IL9R: variants seen among roughly 807,000 people sequenced by gnomAD.
The protein encoded by IL9R is interleukin 9 receptor, also known as interleukin-9 receptor.
In IL9R, 54 loss-of-function variants were observed where a neutral mutation model predicts 56.3. That is an observed-to-expected ratio of 0.96 (90% CI 0.77 to 1.20). The LOEUF (loss-of-function observed/expected upper bound fraction) is 1.20. Ranked by LOEUF, IL9R falls within the 50% of genes most tolerant of loss-of-function variation. The probability of loss-of-function intolerance (pLI) is 0.00; values close to 1 mark genes in which losing one functional copy is unlikely to be tolerated. For synonymous variants in IL9R, 212 were observed against 250.2 expected, an observed-to-expected ratio of 0.85 and a Z score of 1.44; for missense variants, 545 against 629.8, an observed-to-expected ratio of 0.87 and a Z score of 1.44.
intron 8 of IL9R, among the ~76,000 whole-genome samples, chrX:156,009,265 T>TA (rs2068294588): frequency 9.7e-5 from 4 of 41,310 alleles, no homozygotes; most frequent in Non-Finnish European, 1.7e-4. Context: ...TGTGTGTGTG[T>TA]TTGTGTGTGT....
chrX:155,998,869 G>A (rs1268892280), intron 1 of IL9R, among the ~76,000 whole-genome samples: 1 of 152,090 alleles, frequency 6.6e-6, no homozygotes, highest in African/African-American at 2.4e-5. Context: ...TGTGGGAGGG[G>A]TGTTTTGGGC....
chrX:156,003,923 G>A (rs2067723453), intron 4 of IL9R, 68 bp downstream of exon 4: 3 of 1,535,164 alleles, frequency 2.0e-6, no homozygotes, highest in African/African-American at 1.4e-5. Flanking sequence ...TGGGGGTTTG[G>A]AGCAGGGCCT....
chrX:156,009,001 TTGTGTGTGTGTGTCTCTG>T (rs1356342012), intron 8 of IL9R, among the ~76,000 whole-genome samples: 2 of 133,682 alleles, frequency 1.5e-5, no homozygotes, highest in African/African-American at 5.8e-5. Flanking sequence ...CTGTGTGTGT[TTGTGTGTGTGTGTCTCTG>T]TGTGTGTGTC....
intron 8 of IL9R, among the ~76,000 whole-genome samples, chrX:156,009,306 GTGTC>G (rs2068309253): frequency 2.7e-5 from 4 of 147,014 alleles, no homozygotes; most frequent in African/African-American, 7.7e-5. Flanking sequence ...TTATGTGTGT[GTGTC>G]TGTGTGTGTT....
rs200285486 is a variant in IL9R, at chrX:156,002,935, C to T, written c.58C>T (p.Arg20Ter). 4.6e-4 allele frequency: 741 copies of T among 1,613,790 alleles called. 4 individuals are homozygous for T. In the South Asian group the frequency reaches 4.9e-3, roughly 11 times the overall value. ...GACCTTGGAGAGTGAGGCCCTGAGG[C>T]GAGACATGGGCACCTGGCTCCTGGC... ...GWTLESEALRRDMGTWLLACI... is the reference protein window; with the variant it reads ...GWTLESEALR The change falls in exon 2 of 9, where the codon CGA becomes TGA. Residue 20 changes from arginine to a stop codon, truncating the protein, a stop_gained. Transcript: ENST00000244174. LOFTEE classifies it high-confidence loss of function.
chrX:156,005,604 G>T, intron 6 of IL9R, 125 bp downstream of exon 6: 2 of 772,674 alleles, frequency 2.6e-6, no homozygotes, highest in Non-Finnish European at 4.4e-6. Context: ...CCATGCCTCA[G>T]TTGACCCCCT....
In IL9R at chrX:156,001,610, C is replaced by T. The variant is rs1158344186; in HGVS notation, c.29-1296C>T. 9.0e-6 allele frequency: 5 copies of T among 556,630 alleles called. No homozygotes were observed. The Admixed American group carries it at 1.7e-4, about 19-fold the overall frequency. The allele number at this position is 556,630 out of a possible 1,614,324, so 34.5% of individuals were successfully genotyped here. On this transcript the variant is annotated intron_variant, in intron 1 of 8. Transcript: ENST00000244174. ...AGTGGGGTTAGAGTAGTGCCTGCTGCCCATTGGTTTGTGCGGTCCTTTAAG... is the reference window on the plus strand; with the variant it reads ...AGTGGGGTTAGAGTAGTGCCTGCTGTCCATTGGTTTGTGCGGTCCTTTAAG...
intron 7 of IL9R, 35 bp from the exon 8 acceptor site, chrX:156,007,488 G>T (rs749958041): frequency 4.3e-6 from 4 of 929,572 alleles, no homozygotes; most frequent in East Asian, 2.5e-5. Context: ...CACCTGGGTC[G>T]CCATAGGCCT....
intron 5 of IL9R, 97 bp downstream of exon 5, chrX:156,004,662 T>A (rs2067788868): frequency 7.9e-7 from 1 of 1,258,968 alleles, no homozygotes; most frequent in Non-Finnish European, 1.1e-6. Context: ...CAACTTGTAG[T>A]GATGAGAAGG....
chrX:156,003,042 T>C lies in IL9R; in HGVS notation c.142+23T>C, dbSNP rs759715181. On this transcript the variant is annotated intron_variant, in intron 2 of 8. Transcript: ENST00000244174. ...AAGGTGAGGGCTGGGCACTAATGTC[T>C]GTATGAGGTGGGTGGAGAACTAGGG... is the stretch of plus-strand genomic sequence containing the variant. The C allele has an allele frequency of 2.0e-5, 32 of 1,613,544 alleles. No individual in the cohort carries two copies. In the Admixed American group the frequency reaches 2.2e-4, roughly 11 times the overall value.
intron 5 of IL9R, 127 bp downstream of exon 5, chrX:156,004,692 T>G: frequency 1.1e-6 from 1 of 922,122 alleles, no homozygotes; most frequent in Non-Finnish European, 1.7e-6. Context: ...GAGCGGGGTG[T>G]GTGTGCACAC....
rs1348332298 is a variant in IL9R, at chrX:156,003,079, G to C, written c.142+60G>C. 3.1e-6 allele frequency: 5 copies of C among 1,605,190 alleles called. No homozygotes were observed. The Admixed American group carries it at 8.3e-5, about 27-fold the overall frequency. ...GTGGAGAACTAGGGCATGTTTGGGG[G>C]ACTGGGTTGTCCGATGTCAAGCCTC... On this transcript the variant is annotated intron_variant, in intron 2 of 8. Transcript: ENST00000244174.
rs566708471 is a variant in IL9R at position 156,000,134 on chromosome X, T to TAAAA, written c.28+2356_28+2359dup. On this transcript the variant is annotated intron_variant, in intron 1 of 8. Coordinates refer to ENST00000244174, the MANE Select transcript of IL9R (RefSeq NM_002186.3). ...CTGAGCGACAGAGCGAGACTCCGTC[T>TAAAA]AAAAAAAAAAAATATATATATATAT... Among the ~76,000 whole-genome samples, 39 of 141,314 alleles carry TAAAA rather than the reference T, an allele frequency of 2.8e-4. 1 individual carries two copies. The South Asian group carries it at 3.6e-3, about 13-fold the overall frequency. The allele number at this position is 141,314 out of a possible 152,430, so 92.7% of individuals were successfully genotyped here. A position where few individuals can be genotyped will look rare whatever the true frequency, so the allele number is the denominator to read the frequency against.
At position 156,004,487 on chromosome X, in the gene IL9R, C is replaced by T; in HGVS notation, c.501C>T (p.Ser167=). Residue 167 remains serine (S), a synonymous_variant, in exon 5 of 9, where the codon AGC becomes AGT. Coordinates refer to ENST00000244174, the MANE Select transcript of IL9R (RefSeq NM_002186.3). ...ISSGHCILTW[S]ISPALEPMTT... ...CTGGCCACTGCATCCTGACCTGGAGCATCAGTCCTGCCTTGGAGCCAATGA... is the reference window on the plus strand; with the variant it reads ...CTGGCCACTGCATCCTGACCTGGAGTATCAGTCCTGCCTTGGAGCCAATGA... 1.2e-6 allele frequency: 2 copies of T among 1,613,776 alleles called. No individual in the cohort carries two copies. The highest frequency in any genetic ancestry group is 1.7e-6 in the Non-Finnish European group (2 of 1,179,826).
chrX:156,002,991 G>C lies in IL9R; in HGVS notation c.114G>C (p.Leu38Phe). 12 of 1,613,876 alleles carry C rather than the reference G, an allele frequency of 7.4e-6. No homozygotes were observed. Among genetic ancestry groups the C allele is most frequent in the Non-Finnish European group, 1.0e-5 (12 of 1,179,852 alleles). The change falls in exon 2 of 9, where the codon TTG becomes TTC. Residue 38 changes from leucine to phenylalanine, a missense_variant. By Grantham distance (22) the Leu-to-Phe change is conservative. Around this residue, in one of 2 missense-constraint regions of IL9R, gnomAD observed 431 missense variants for 360.0 expected, o/e 1.20. Transcript: ENST00000244174. ...TCTGCATCTGCACCTGTGTCTGCTTGGGAGTCTCTGTCACAGGGGAAGGAC... is the reference window on the plus strand; with the variant it reads ...TCTGCATCTGCACCTGTGTCTGCTTCGGAGTCTCTGTCACAGGGGAAGGAC... ...ACICICTCVCLGVSVTGEGQG... is the reference protein window; with the variant it reads ...ACICICTCVCFGVSVTGEGQG...
intron 4 of IL9R, 171 bp from the exon 5 acceptor site, chrX:156,004,249 C>T (rs2067751258): frequency 1.2e-5 from 8 of 646,144 alleles, no homozygotes; most frequent in South Asian, 3.9e-5. Context: ...GAAGTCATTG[C>T]TGTCCTGTCC....
chrX:156,010,027 C>T lies in IL9R; in HGVS notation c.1184C>T (p.Ala395Val). 1.3e-6 allele frequency: 2 copies of T among 1,553,488 alleles called. No individual in the cohort carries two copies. The highest frequency in any genetic ancestry group is 4.7e-5 in the East Asian group (2 of 42,462). Residue 395 changes from alanine to valine, a missense_variant, in exon 9 of 9, where the codon GCA (alanine) becomes GTA (valine). By Grantham distance (64) the Ala-to-Val change is moderately conservative. This residue lies in a region of IL9R where 114 missense variants were observed against 269.8 expected (regional missense o/e 0.42). Coordinates refer to ENST00000244174, the MANE Select transcript of IL9R (RefSeq NM_002186.3). ...CTGAGCTCAGAGGATGTGCTGCCAGCAGGGTGTACGGAGTGGAGGGTACAG... is the reference window on the plus strand; with the variant it reads ...CTGAGCTCAGAGGATGTGCTGCCAGTAGGGTGTACGGAGTGGAGGGTACAG... The part of the protein sequence containing the change: ...GNLSSEDVLP[A>V]GCTEWRVQTL...
chrX:156,002,393 G>A (rs183907359), intron 1 of IL9R, among the ~76,000 whole-genome samples: 6 of 152,324 alleles, frequency 3.9e-5, no homozygotes, highest in Admixed American at 6.5e-5. Flanking sequence ...CCCTGGGCAA[G>A]TCATTTCCCC....
intron 4 of IL9R, chrX:156,004,147 A>G (rs2067744443): frequency 1.7e-6 from 1 of 599,938 alleles, no homozygotes; most frequent in Non-Finnish European, 3.0e-6. Context: ...AAGGACTCCA[A>G]TAAGATGCTG....
Sources: gnomAD v4.1 joint callset for allele counts (sites outside exome capture counted in the v4.1 genomes callset) on GRCh38, gnomAD v4.1.1 for gene constraint, gnomAD v4.1.1 regional missense constraint, MANE v1.5 for transcripts, NCBI Gene and HGNC (gene_info 2026-07-23, HGNC 2026-07-21) for gene names.